THSD7B: variants seen among roughly 807,000 people sequenced by gnomAD.
THSD7B encodes the protein thrombospondin type-1 domain-containing protein 7B.
Under a neutral mutation model 213.6 loss-of-function variants are expected in THSD7B, and 138 were observed. The ratio of observed to expected loss-of-function variants is 0.65; its 90% CI spans 0.56 to 0.74. THSD7B has a LOEUF of 0.74. THSD7B is among the 30% of genes least tolerant of loss of function. The probability of loss-of-function intolerance (pLI) is 0.00; values close to 1 mark genes in which losing one functional copy is unlikely to be tolerated. For missense variants in THSD7B, 1,931 were observed against 1,991.5 expected (o/e 0.97, Z 0.58); for synonymous variants, 742 against 687.0 (o/e 1.08, Z -1.25).
rs116453321 is a variant in THSD7B at position 137,546,974 on chromosome 2, C to T, written c.3139-16247C>T. ...CATCTGTTTTTATTTTGTGAAGAGC[C>T]GGAAAGGTCTGTATTAGTCTTTGTC... On this transcript the variant is annotated intron_variant, in intron 15 of 27. Coordinates refer to ENST00000409968, the MANE Select transcript of THSD7B (RefSeq NM_001316349.2). 5.9e-3 allele frequency among the ~76,000 whole-genome samples: 894 copies of T among 152,002 alleles called. 5 individuals carry two copies. Among genetic ancestry groups the T allele is most frequent in the Non-Finnish European group, 8.9e-3 (604 of 67,934 alleles).
intron 3 of THSD7B, among the ~76,000 whole-genome samples, chr2:137,075,233 T>C (rs1160081595): frequency 1.3e-5 from 2 of 152,232 alleles, no homozygotes; most frequent in Non-Finnish European, 2.9e-5. Flanking sequence ...CAGTCAAATG[T>C]AGATTTGGTC....
At chr2:136,829,769 G>A (rs1682718422) in intron 1 of THSD7B, among the ~76,000 whole-genome samples, 1 of 151,850 alleles carries the variant, frequency 6.6e-6, no homozygotes, top group Non-Finnish European at 1.5e-5. Context: ...AGCAGGCATG[G>A]GTTATATATT....
chr2:136,905,710 A>G (rs759599160), intron 2 of THSD7B, among the ~76,000 whole-genome samples: 17 of 152,238 alleles, frequency 1.1e-4, no homozygotes, highest in Non-Finnish European at 2.4e-4. Context: ...AAATATGCCA[A>G]TGATAACCAG....
intron 27 of THSD7B, among the ~76,000 whole-genome samples, chr2:137,671,197 G>T (rs955524335): frequency 6.7e-6 from 1 of 149,338 alleles, no homozygotes; most frequent in Admixed American, 6.7e-5. Flanking sequence ...TTAGGGAGAT[G>T]GCCATTTTAT....
intron 5 of THSD7B, among the ~76,000 whole-genome samples, chr2:137,134,963 A>G (rs975755063): frequency 4.1e-4 from 63 of 152,142 alleles, no homozygotes; most frequent in African/African-American, 1.4e-3. Context: ...CTTGCTAGCT[A>G]TGTGACCTTG....
intron 2 of THSD7B, among the ~76,000 whole-genome samples, chr2:136,972,250 C>A (rs1388265042): frequency 6.6e-6 from 1 of 152,036 alleles, no homozygotes; most frequent in Non-Finnish European, 1.5e-5. Flanking sequence ...ATGTTCTCAT[C>A]CACCTTGGAA....
intron 15 of THSD7B, among the ~76,000 whole-genome samples, chr2:137,489,891 T>C (rs1688566783): frequency 6.6e-6 from 1 of 152,220 alleles, no homozygotes; most frequent in Admixed American, 6.5e-5. Context: ...TCACTGATTG[T>C]GAAATCTGTG....
rs546620764 is a variant in THSD7B at position 137,149,260 on chromosome 2, A to ATGTCCTCT, written c.1370-10953_1370-10952insTGTCCTCT. Among the ~76,000 whole-genome samples, 42 of 152,336 alleles carry ATGTCCTCT rather than the reference A, an allele frequency of 2.8e-4. No homozygotes were observed. The South Asian group carries it at 8.7e-3, about 32-fold the overall frequency. On this transcript the variant is annotated intron_variant, in intron 5 of 27. Coordinates refer to ENST00000409968, the MANE Select transcript of THSD7B (RefSeq NM_001316349.2). Reference sequence around the variant, plus strand: ...CTACTTAGATTTCAGAGGATATATGAGAATACCTGGATGTCCAGGCAGAAG... The same window carrying ATGTCCTCT: ...CTACTTAGATTTCAGAGGATATATGATGTCCTCTGAATACCTGGATGTCCAGGCAGAAG...
At chr2:137,016,614 G>A (rs548730209) in intron 2 of THSD7B, among the ~76,000 whole-genome samples, 1 of 152,120 alleles carries the variant, frequency 6.6e-6, no homozygotes, top group African/African-American at 2.4e-5. Context: ...ATTCTCATGG[G>A]TATTATCATA....
chr2:137,517,261 T>C (rs907129070), intron 15 of THSD7B, among the ~76,000 whole-genome samples: 1 of 152,284 alleles, frequency 6.6e-6, no homozygotes, highest in African/African-American at 2.4e-5. Context: ...TTGATCACTT[T>C]GTGCTTCCAC....
chr2:136,933,120 C>A (rs1207841051), intron 2 of THSD7B, among the ~76,000 whole-genome samples: 17 of 52,682 alleles, frequency 3.2e-4, no homozygotes, highest in African/African-American at 6.6e-4. Flanking sequence ...TCCTTCCTTC[C>A]TTCCTTCCTT....
intron 3 of THSD7B, among the ~76,000 whole-genome samples, chr2:137,069,664 C>T (rs1687443498): frequency 6.6e-6 from 1 of 151,868 alleles, no homozygotes; most frequent in Non-Finnish European, 1.5e-5. Flanking sequence ...AAAGCTCACT[C>T]CTCATTGTTC....
rs6146926 is a variant in THSD7B at position 136,767,456 on chromosome 2, A to AGT, written c.-36+1792_-36+1793dup. Among the ~76,000 whole-genome samples the AGT allele has an allele frequency of 4.5e-3, 655 of 146,676 alleles. 4 individuals are homozygous for AGT. The highest frequency in any genetic ancestry group is 0.011 in the African/African-American group (430 of 40,214). On this transcript the variant is annotated intron_variant, in intron 1 of 27. Coordinates refer to ENST00000409968, the MANE Select transcript of THSD7B (RefSeq NM_001316349.2). Reference sequence around the variant, plus strand: ...ATTGTTTTATTTTCTATCCCTGGGAAGTGTGTGTGTGTGTGTGTGTGTGTT... The same window carrying AGT: ...ATTGTTTTATTTTCTATCCCTGGGAAGTGTGTGTGTGTGTGTGTGTGTGTGTT...
chr2:137,387,806 C>T (rs185320773), intron 12 of THSD7B, among the ~76,000 whole-genome samples: 1 of 152,238 alleles, frequency 6.6e-6, no homozygotes, highest in East Asian at 1.9e-4. Flanking sequence ...ATTACACGTC[C>T]CTTTCATTCA....
chr2:137,537,992 T>C (rs1290906417), intron 15 of THSD7B, among the ~76,000 whole-genome samples: 1 of 151,706 alleles, frequency 6.6e-6, no homozygotes, highest in Non-Finnish European at 1.5e-5. Flanking sequence ...AGATACATGG[T>C]TGAAGAAGAG....
intron 15 of THSD7B, among the ~76,000 whole-genome samples, chr2:137,522,148 C>T (rs1050379164): frequency 6.6e-6 from 1 of 152,196 alleles, no homozygotes; most frequent in Non-Finnish European, 1.5e-5. Context: ...TCTTGGTGCA[C>T]TAGCCAGGAC....
intron 1 of THSD7B, among the ~76,000 whole-genome samples, chr2:136,823,075 GCA>G (rs1682591152): frequency 1.3e-5 from 2 of 152,206 alleles, no homozygotes; most frequent in African/African-American, 4.8e-5. Flanking sequence ...GATAGGCACA[GCA>G]CACGCTTTCT....
intron 17 of THSD7B, among the ~76,000 whole-genome samples, chr2:137,609,380 C>T (rs1682246198): frequency 6.6e-6 from 1 of 152,132 alleles, no homozygotes; most frequent in East Asian, 1.9e-4. Context: ...TCAGAGAAGG[C>T]CTTTCTAATA....
chr2:137,285,699 G>A (rs555526478), intron 12 of THSD7B, among the ~76,000 whole-genome samples: 1 of 151,716 alleles, frequency 6.6e-6, no homozygotes, highest in South Asian at 2.1e-4. Flanking sequence ...AAATTCACTG[G>A]AAACATATAT....
Sources: gnomAD v4.1 joint callset for allele counts (sites outside exome capture counted in the v4.1 genomes callset) on GRCh38, gnomAD v4.1.1 for gene constraint, MANE v1.5 for transcripts, NCBI Gene and HGNC (gene_info 2026-07-23, HGNC 2026-07-21) for gene names.